LRP1B: variants seen among roughly 807,000 people sequenced by gnomAD.
LRP1B encodes low-density lipoprotein receptor-related protein 1B.
Under a neutral mutation model 556.6 loss-of-function variants are expected in LRP1B, and 217 were observed. That is an observed-to-expected ratio of 0.39 (90% CI 0.35 to 0.44). The LOEUF (loss-of-function observed/expected upper bound fraction) is 0.44. LRP1B is among the 20% of genes least tolerant of loss of function. The pLI, the probability that LRP1B is intolerant of heterozygous loss-of-function variation, is 1.00. For synonymous variants in LRP1B, 2,047 were observed against 1,865.8 expected (o/e 1.10, Z -2.50); for missense variants, 5,053 against 5,620.8 (o/e 0.90, Z 3.23).
chr2:140,391,371 G>A (rs1684011652), intron 66 of LRP1B, among the ~76,000 whole-genome samples: 1 of 152,144 alleles, frequency 6.6e-6, no homozygotes, highest in African/African-American at 2.4e-5. Context: ...TGGATGTGAA[G>A]AGGAGTGTTG....
At chr2:140,346,784 T>C (rs1181455320) in intron 77 of LRP1B, among the ~76,000 whole-genome samples, 1 of 151,940 alleles carries the variant, frequency 6.6e-6, no homozygotes, top group Non-Finnish European at 1.5e-5. Flanking sequence ...GAACTTCAAT[T>C]AAAAATTGAG....
chr2:141,245,745 T>C (rs1684042773), intron 5 of LRP1B, among the ~76,000 whole-genome samples: 1 of 152,228 alleles, frequency 6.6e-6, no homozygotes, highest in South Asian at 2.1e-4. Flanking sequence ...CTGAAAACTG[T>C]GTAGAAACTA....
intron 50 of LRP1B, among the ~76,000 whole-genome samples, chr2:140,515,130 T>C (rs1261820835): frequency 6.6e-6 from 1 of 152,108 alleles, no homozygotes; most frequent in Admixed American, 6.6e-5. Flanking sequence ...TCATACTTTT[T>C]AACTTTAAAT....
intron 3 of LRP1B, among the ~76,000 whole-genome samples, chr2:141,315,252 AT>A (rs34839276): frequency 0.11 from 8,158 of 76,218 alleles, 121 homozygotes; most frequent in Admixed American, 0.16. Context: ...AATGATTGTA[AT>A]TTTTTTTTTT....
chr2:140,615,000 TAAC>T (rs935778913), intron 41 of LRP1B, among the ~76,000 whole-genome samples: 3 of 152,160 alleles, frequency 2.0e-5, no homozygotes, highest in Non-Finnish European at 4.4e-5. Flanking sequence ...AAAATGAAGA[TAAC>T]AGCCCCTTCC....
At chr2:141,896,768 G>A (rs570607739) in intron 1 of LRP1B, among the ~76,000 whole-genome samples, 3 of 152,106 alleles carry the variant, frequency 2.0e-5, no homozygotes, top group African/African-American at 4.8e-5. Context: ...AAAATGTCTA[G>A]ATCAGTTTTG....
rs143445505 is a variant in LRP1B at position 141,412,063 on chromosome 2, C to A, written c.343+68333G>T. ...ACATTGCATTGTGCTAAATTAACAG[C>A]CCCAAATCACCTACTGCTAATCAGC... On this transcript the variant is annotated intron_variant, in intron 3 of 90. Coordinates refer to ENST00000389484, the MANE Select transcript of LRP1B (RefSeq NM_018557.3). Among the ~76,000 whole-genome samples the A allele has an allele frequency of 1.1e-3, 160 of 152,098 alleles. 1 individual carries two copies. In the East Asian group the frequency reaches 0.024, roughly 23 times the overall value.
At chr2:140,550,298 T>C (rs1196066264) in intron 43 of LRP1B, among the ~76,000 whole-genome samples, 1 of 152,146 alleles carries the variant, frequency 6.6e-6, no homozygotes, top group East Asian at 1.9e-4. Context: ...TTTGTCCAAC[T>C]TCTTTGTCTT....
intron 2 of LRP1B, among the ~76,000 whole-genome samples, chr2:141,532,922 G>C (rs565812687): frequency 3.3e-5 from 5 of 152,066 alleles, no homozygotes; most frequent in African/African-American, 1.2e-4. Flanking sequence ...GGAGGCAGAG[G>C]TTGCAGTGAG....
intron 20 of LRP1B, among the ~76,000 whole-genome samples, chr2:140,940,391 T>C (rs1298309585): frequency 6.6e-6 from 1 of 152,166 alleles, no homozygotes; most frequent in Admixed American, 6.6e-5. Flanking sequence ...ATGAGATTAA[T>C]TTTATATTTG....
intron 66 of LRP1B, among the ~76,000 whole-genome samples, chr2:140,433,220 C>T (rs1370208883): frequency 6.6e-6 from 1 of 152,084 alleles, no homozygotes; most frequent in Non-Finnish European, 1.5e-5. Context: ...GTCTCAGTCT[C>T]CCGAATAGCT....
At chr2:140,989,750 T>C (rs2105353405) in intron 16 of LRP1B, 93 bp from the exon 17 acceptor site, 1 of 1,224,132 alleles carries the variant, frequency 8.2e-7, no homozygotes, top group Non-Finnish European at 1.2e-6. Flanking sequence ...ACAGTAATAA[T>C]ATTATAGTAC....
chr2:140,841,258 C>G (rs932470944), intron 29 of LRP1B, among the ~76,000 whole-genome samples, 166 bp from the exon 30 acceptor site: 4 of 152,152 alleles, frequency 2.6e-5, no homozygotes, highest in African/African-American at 9.7e-5. Context: ...CTTCTTAAGG[C>G]ATGAATAATC....
chr2:140,393,963 G>A (rs1018549600), intron 66 of LRP1B, among the ~76,000 whole-genome samples: 10 of 151,920 alleles, frequency 6.6e-5, no homozygotes, highest in Admixed American at 5.3e-4. Flanking sequence ...ACTCCTCAAC[G>A]TCTCTTTTTA....
chr2:141,250,438 G>T (rs992671686), intron 4 of LRP1B, among the ~76,000 whole-genome samples: 1 of 152,180 alleles, frequency 6.6e-6, no homozygotes, highest in African/African-American at 2.4e-5. Flanking sequence ...TTTTGGTGAA[G>T]ACATTGAGCC....
intron 2 of LRP1B, among the ~76,000 whole-genome samples, chr2:141,792,593 G>A (rs149000072): frequency 1.8e-4 from 27 of 152,044 alleles, no homozygotes; most frequent in South Asian, 4.1e-4. Context: ...TTTCCTAATC[G>A]CTAACAAGTT....
chr2:140,865,354 G>A (rs1270779399), intron 27 of LRP1B, among the ~76,000 whole-genome samples: 1 of 151,808 alleles, frequency 6.6e-6, no homozygotes, highest in Non-Finnish European at 1.5e-5. Flanking sequence ...AGTACTGAAT[G>A]TCATGTATTT....
intron 2 of LRP1B, among the ~76,000 whole-genome samples, chr2:141,562,390 G>C (rs1010111649): frequency 2.0e-5 from 3 of 151,872 alleles, no homozygotes; most frequent in Admixed American, 6.6e-5. Flanking sequence ...AGAGGCAATG[G>C]ACTGAGTTTT....
intron 77 of LRP1B, among the ~76,000 whole-genome samples, chr2:140,347,950 A>G (rs907392873): frequency 2.0e-5 from 3 of 152,082 alleles, no homozygotes; most frequent in African/African-American, 4.8e-5. Flanking sequence ...ACATGGCACA[A>G]GTGTTTACAT....
Sources: allele counts gnomAD v4.1 joint callset (sites outside exome capture counted in the v4.1 genomes callset), GRCh38; gene constraint gnomAD v4.1.1; transcripts MANE v1.5; gene names NCBI Gene and HGNC (gene_info 2026-07-23, HGNC 2026-07-21).